The following GALNTL6 variants were observed in gnomAD, a reference collection of about 807,000 sequenced individuals.
GALNTL6 encodes the protein polypeptide N-acetylgalactosaminyltransferase like 6.
In GALNTL6, 46 loss-of-function variants were observed where a neutral mutation model predicts 73.7. The observed-to-expected ratio is 0.62, with a 90% CI of 0.49 to 0.80. The LOEUF is 0.80. Ranked by LOEUF, GALNTL6 falls within the 30% of genes least tolerant of loss-of-function variation. The pLI is 0.00. For missense variants in GALNTL6, 604 were observed against 755.0 expected (o/e 0.80, Z 2.34); for synonymous variants, 259 against 263.7 (o/e 0.98, Z 0.17).
At chr4:171,964,883 G>A (rs1739342688) in intron 2 of GALNTL6, among the ~76,000 whole-genome samples, 1 of 152,342 alleles carries the variant, frequency 6.6e-6, no homozygotes, top group Admixed American at 6.5e-5. Context: ...GGCCACTGAA[G>A]GGACACTAAG....
intron 2 of GALNTL6, among the ~76,000 whole-genome samples, chr4:171,847,904 A>G (rs946396013): frequency 3.9e-5 from 6 of 152,132 alleles, no homozygotes; most frequent in Admixed American, 6.6e-5. Flanking sequence ...CCAAACTCCT[A>G]TTAATATGAC....
intron 5 of GALNTL6, among the ~76,000 whole-genome samples, chr4:172,581,537 T>C (rs980792904): frequency 1.3e-5 from 2 of 152,128 alleles, no homozygotes; most frequent in African/African-American, 4.8e-5. Context: ...ATTTACCCAA[T>C]CCCCCTATTC....
intron 5 of GALNTL6, among the ~76,000 whole-genome samples, chr4:172,364,482 A>T (rs1051496159): frequency 6.6e-6 from 1 of 152,166 alleles, no homozygotes; most frequent in African/African-American, 2.4e-5. Context: ...ATGTCAGGGG[A>T]GTCTTATATT....
chr4:171,967,460 T>TGTTTTTTTTTTTTTTTTTTTA (rs1414283151), intron 2 of GALNTL6, among the ~76,000 whole-genome samples: 1 of 150,260 alleles, frequency 6.7e-6, no homozygotes. Flanking sequence ...TTTTTTTTTT[T>TGTTTTTTTTTTTTTTTTTTTA]TTTTTGTAGA....
chr4:172,637,496 T>C (rs1739751806), intron 5 of GALNTL6, among the ~76,000 whole-genome samples: 2 of 152,198 alleles, frequency 1.3e-5, no homozygotes, highest in South Asian at 4.1e-4. Flanking sequence ...TGAATGTAAC[T>C]GTGCCACTAG....
At chr4:172,293,100 G>A (rs115433968) in intron 3 of GALNTL6, among the ~76,000 whole-genome samples, 17 of 152,192 alleles carry the variant, frequency 1.1e-4, no homozygotes, top group African/African-American at 3.6e-4. Flanking sequence ...ACTTTCATGA[G>A]TTGTCTTCTT....
chr4:172,714,448 C>G (rs1456409320), intron 5 of GALNTL6, among the ~76,000 whole-genome samples: 8 of 152,062 alleles, frequency 5.3e-5, no homozygotes, highest in Non-Finnish European at 1.5e-5. Flanking sequence ...GATCGTAATA[C>G]CTACCTGACA....
At chr4:172,133,950 G>A (rs543578656) in intron 2 of GALNTL6, among the ~76,000 whole-genome samples, 16 of 151,916 alleles carry the variant, frequency 1.1e-4, no homozygotes, top group Middle Eastern at 3.2e-3. Context: ...TGTTAAAGAA[G>A]GTAGTCACAT....
chr4:172,729,327 T>A (rs1033752351), intron 5 of GALNTL6, among the ~76,000 whole-genome samples: 13 of 152,166 alleles, frequency 8.5e-5, no homozygotes, highest in African/African-American at 3.1e-4. Context: ...TAGAGCATTT[T>A]CCTAAAGTTT....
intron 5 of GALNTL6, among the ~76,000 whole-genome samples, chr4:172,598,436 G>A (rs1737942694): frequency 1.3e-5 from 2 of 152,062 alleles, no homozygotes; most frequent in Admixed American, 6.6e-5. Context: ...AACATGTCAT[G>A]AAATGTATCA....
chr4:172,889,455 T>G (rs1745904528), intron 8 of GALNTL6, among the ~76,000 whole-genome samples: 1 of 152,232 alleles, frequency 6.6e-6, no homozygotes. Context: ...TTGAGGGTTT[T>G]TATCATGAAA....
chr4:172,471,564 C>CT (rs201710691), intron 5 of GALNTL6, among the ~76,000 whole-genome samples: 1 of 151,950 alleles, frequency 6.6e-6, no homozygotes, highest in African/African-American at 2.4e-5. Flanking sequence ...GCCCTTTCTT[C>CT]TTTTTTTATG....
chr4:172,149,705 T>A (rs1734023518), intron 2 of GALNTL6, among the ~76,000 whole-genome samples: 1 of 152,188 alleles, frequency 6.6e-6, no homozygotes, highest in African/African-American at 2.4e-5. Context: ...GATCTTCCTC[T>A]TAAAACTGCT....
At chr4:172,041,363 G>GA (rs1295293132) in intron 2 of GALNTL6, among the ~76,000 whole-genome samples, 2 of 151,938 alleles carry the variant, frequency 1.3e-5, no homozygotes, top group Non-Finnish European at 2.9e-5. Flanking sequence ...ATTATATTAA[G>GA]AAAAAATTCT....
At chr4:172,362,410 A>G (rs905696064) in intron 5 of GALNTL6, among the ~76,000 whole-genome samples, 4 of 152,052 alleles carry the variant, frequency 2.6e-5, no homozygotes, top group Non-Finnish European at 5.9e-5. Context: ...GTAATAATTT[A>G]ATATTGGACC....
Position 172,167,982 on chromosome 4 carries a change from A to AG in GALNTL6, c.139-61674_139-61673insG, listed in dbSNP as rs538611558. On this transcript the variant is annotated intron_variant, in intron 2 of 12. Coordinates refer to ENST00000506823, the MANE Select transcript of GALNTL6 (RefSeq NM_001034845.3). ...CTCCGTCTCAAAAAAAAAAAAAAAA[A>AG]AAAGAAACATTTCTGAGGCCAAATC... Among the ~76,000 whole-genome samples, 113 of 146,752 alleles carry AG rather than the reference A, an allele frequency of 7.7e-4. 1 individual carries two copies. The highest frequency in any genetic ancestry group is 1.7e-3 in the Admixed American group (25 of 14,744).
chr4:172,122,345 A>G (rs538235051), intron 2 of GALNTL6, among the ~76,000 whole-genome samples: 1 of 152,122 alleles, frequency 6.6e-6, no homozygotes, highest in South Asian at 2.1e-4. Flanking sequence ...GTCTTGTTCC[A>G]ATGTCTTGGA....
intron 2 of GALNTL6, among the ~76,000 whole-genome samples, chr4:171,988,254 G>A (rs545943890): frequency 3.3e-5 from 5 of 152,166 alleles, no homozygotes; most frequent in African/African-American, 1.2e-4. Flanking sequence ...TTCTTGTTTT[G>A]TAAGGGATTG....
intron 5 of GALNTL6, among the ~76,000 whole-genome samples, chr4:172,405,672 G>C (rs987396730): frequency 1.6e-4 from 24 of 151,606 alleles, no homozygotes; most frequent in Non-Finnish European, 3.4e-4. Context: ...TTGTTCAGTT[G>C]AGCCAGTTGG....
Sources: allele counts gnomAD v4.1 joint callset (sites outside exome capture counted in the v4.1 genomes callset), GRCh38; gene constraint gnomAD v4.1.1; transcripts MANE v1.5; gene names NCBI Gene and HGNC (gene_info 2026-07-23, HGNC 2026-07-21).